SAMSN1: variants seen among roughly 807,000 people sequenced by gnomAD.
The protein encoded by SAMSN1 is SAM domain-containing protein SAMSN-1.
SAMSN1 carries 31 observed loss-of-function variants against 42.0 expected under a neutral mutation model. The ratio of observed to expected loss-of-function variants is 0.74; its 90% CI spans 0.55 to 1.00. The LOEUF (loss-of-function observed/expected upper bound fraction) is 1.00. SAMSN1 is among the 50% of genes least tolerant of loss of function. The pLI is 0.00. For missense variants in SAMSN1, 464 were observed against 439.4 expected, an observed-to-expected ratio of 1.06 and a Z score of -0.50; for synonymous variants, 178 against 151.9, an observed-to-expected ratio of 1.17 and a Z score of -1.26.
chr21:14,503,979 G>A lies in SAMSN1; in HGVS notation c.562-3244C>T, dbSNP rs7282583. Reference sequence around the variant, plus strand: ...CAGCCTGGAGCCTGGTAGACTAGTTGGGTGGCTAGATGTAGAAGACAGGTA... The same window carrying A: ...CAGCCTGGAGCCTGGTAGACTAGTTAGGTGGCTAGATGTAGAAGACAGGTA... On this transcript the variant is annotated intron_variant, in intron 5 of 7. Coordinates refer to ENST00000400566, the MANE Select transcript of SAMSN1 (RefSeq NM_022136.5). Among the ~76,000 whole-genome samples the A allele has an allele frequency of 8.1e-3, 1,229 of 152,212 alleles. 21 individuals are homozygous for A. Among genetic ancestry groups the A allele is most frequent in the African/African-American group, 0.028 (1,154 of 41,510 alleles).
At chr21:14,636,606 GT>G (rs1244002146) in intron 2 of SAMSN1, among the ~76,000 whole-genome samples, 1 of 152,166 alleles carries the variant, frequency 6.6e-6, no homozygotes, top group African/African-American at 2.4e-5. Flanking sequence ...ACTTTAGGAG[GT>G]CGAGGCAGGC....
intron 3 of SAMSN1, among the ~76,000 whole-genome samples, chr21:14,613,676 C>T (rs1982766021): frequency 6.6e-6 from 1 of 151,996 alleles, no homozygotes; most frequent in South Asian, 2.1e-4. Flanking sequence ...ACATAGCAAG[C>T]ATTCCAAACA....
Position 14,602,023 on chromosome 21 carries a change from CTGATAGGAAGTTCCT to C in SAMSN1, c.384_398del (p.Gly129_Gln133del), listed in dbSNP as rs1385910518. 4.4e-6 allele frequency: 3 copies of C among 686,466 alleles called. No homozygotes were observed. In the African/African-American group the frequency reaches 5.4e-5, roughly 12 times the overall value. The allele number at this position is 686,466 out of a possible 1,614,324, so 42.5% of individuals were successfully genotyped here. A position where few individuals can be genotyped will look rare whatever the true frequency, so the allele number is the denominator to read the frequency against. On this transcript the variant is annotated inframe_deletion and splice_region_variant, in exon 6 of 16. Coordinates refer to the SAMSN1 transcript ENST00000647101. ...CGCAAATGCTGATTATTCACATTAC[CTGATAGGAAGTTCCT>C]TGTAGAGTTTTTCCTTGATAGGTAT...
chr21:14,594,750 T>C (rs1982206040), intron 6 of SAMSN1: 1 of 152,180 alleles, frequency 6.6e-6, no homozygotes, highest in Admixed American at 6.6e-5. Context: ...GGTAATAAAA[T>C]GGTGCTGTGG....
intron 4 of SAMSN1, 54 bp from the exon 5 acceptor site, chr21:14,510,515 C>T (rs2122977611): frequency 6.3e-7 from 1 of 1,593,848 alleles, no homozygotes; most frequent in Middle Eastern, 1.7e-4. Context: ...CATTCTGAAT[C>T]ATCATCTGGA....
At chr21:14,580,785 T>C (rs1203606756) in intron 2 of SAMSN1, among the ~76,000 whole-genome samples, 1 of 152,206 alleles carries the variant, frequency 6.6e-6, no homozygotes. Context: ...AAATATGTTA[T>C]AAAATGTAGC....
At chr21:14,489,052 G>A (rs978601608) in intron 7 of SAMSN1, among the ~76,000 whole-genome samples, 3 of 152,088 alleles carry the variant, frequency 2.0e-5, no homozygotes, top group Admixed American at 2.0e-4. Context: ...TTGTGTTATG[G>A]GTGTTTCTTT....
At position 14,509,319 on chromosome 21, in the gene SAMSN1, G is replaced by A. The variant is rs373697233; in HGVS notation, c.561+991C>T. ...ACTCAGCAATGGAAAACCAAACATC[G>A]TATGTTCTCACTCATAAGCAAGAGC... On this transcript the variant is annotated intron_variant, in intron 5 of 7. Coordinates refer to ENST00000400566, the MANE Select transcript of SAMSN1 (RefSeq NM_022136.5). Among the ~76,000 whole-genome samples, 365 of 152,190 alleles carry A rather than the reference G, an allele frequency of 2.4e-3. No homozygotes were observed. The Middle Eastern group carries it at 0.041, about 17-fold the overall frequency.
intron 1 of SAMSN1, among the ~76,000 whole-genome samples, chr21:14,653,942 A>C (rs1018456841): frequency 1.3e-5 from 2 of 151,972 alleles, no homozygotes; most frequent in Non-Finnish European, 2.9e-5. Flanking sequence ...AAGTACAGTC[A>C]AGAAATTAAT....
chr21:14,557,862 C>T (rs1009681241), intron 2 of SAMSN1, among the ~76,000 whole-genome samples: 9 of 152,154 alleles, frequency 5.9e-5, no homozygotes, highest in African/African-American at 1.2e-4. Context: ...TTTCCATCTG[C>T]GGGAAGTGCT....
chr21:14,577,335 G>T (rs1382110230), intron 2 of SAMSN1, among the ~76,000 whole-genome samples: 3 of 126,328 alleles, frequency 2.4e-5, no homozygotes, highest in Admixed American at 9.1e-5. Flanking sequence ...GGATGGTCTC[G>T]ATCTCCTGAC....
At chr21:14,545,992 A>G (rs929576837) in intron 1 of SAMSN1, among the ~76,000 whole-genome samples, 2 of 152,226 alleles carry the variant, frequency 1.3e-5, no homozygotes, top group Non-Finnish European at 2.9e-5. Flanking sequence ...TCCAATATGC[A>G]CCATAAGACA....
intron 5 of SAMSN1, among the ~76,000 whole-genome samples, chr21:14,606,521 G>A (rs1261272414): frequency 6.7e-6 from 1 of 150,312 alleles, no homozygotes; most frequent in East Asian, 1.9e-4. Context: ...ATAAACTCAA[G>A]TCAAAATAAA....
intron 1 of SAMSN1, among the ~76,000 whole-genome samples, chr21:14,523,663 C>G (rs562505914): frequency 5.9e-5 from 9 of 152,244 alleles, no homozygotes; most frequent in African/African-American, 2.2e-4. Flanking sequence ...CTGATTGGAG[C>G]CCATGCCCAA....
intron 3 of SAMSN1, chr21:14,615,900 C>G (rs1014410223): frequency 2.1e-5 from 8 of 372,102 alleles, no homozygotes; most frequent in East Asian, 8.5e-5. Flanking sequence ...TACTTTGGCA[C>G]GAAGTCCACT....
intron 4 of SAMSN1, among the ~76,000 whole-genome samples, chr21:14,611,036 C>T (rs1982692555): frequency 6.6e-6 from 1 of 152,154 alleles, no homozygotes; most frequent in Non-Finnish European, 1.5e-5. Context: ...AGCTATCCTC[C>T]TGCCTCAATT....
chr21:14,572,690 C>T (rs1981337935), intron 2 of SAMSN1, among the ~76,000 whole-genome samples: 1 of 152,150 alleles, frequency 6.6e-6, no homozygotes, highest in Non-Finnish European at 1.5e-5. Context: ...ACCTTGAAGG[C>T]AGGGTCTCTA....
intron 3 of SAMSN1, among the ~76,000 whole-genome samples, chr21:14,515,952 C>T (rs1987894090): frequency 6.6e-6 from 1 of 152,252 alleles, no homozygotes; most frequent in South Asian, 2.1e-4. Context: ...ATCAAAATCA[C>T]AATGAGATTC....
chr21:14,624,068 T>C (rs2123348526), intron 2 of SAMSN1, among the ~76,000 whole-genome samples: 1 of 152,292 alleles, frequency 6.6e-6, no homozygotes, highest in African/African-American at 2.4e-5. Context: ...AAGATGTTCT[T>C]TGAAACCAAT....
Sources: allele counts gnomAD v4.1 joint callset (sites outside exome capture counted in the v4.1 genomes callset), GRCh38; gene constraint gnomAD v4.1.1; transcripts MANE v1.5; gene names NCBI Gene and HGNC (gene_info 2026-07-23, HGNC 2026-07-21).